TERB2: variants seen among roughly 807,000 people sequenced by gnomAD.
TERB2 encodes telomere repeat binding bouquet formation protein 2.
TERB2 carries 26 observed loss-of-function variants against 29.8 expected under a neutral mutation model. The observed-to-expected ratio is 0.87, with a 90% CI of 0.64 to 1.21. The LOEUF (loss-of-function observed/expected upper bound fraction) is 1.21, where lower values mean the gene tolerates loss of function less well. Among genes scored for constraint, TERB2 ranks in the 50% most tolerant of loss-of-function variants. The pLI is 0.00. For synonymous variants in TERB2, 80 were observed against 90.8 expected (o/e 0.88, Z 0.68); for missense variants, 240 against 268.6 (o/e 0.89, Z 0.74).
chr15:44,964,000 G>C (rs968521090), intron 4 of TERB2, among the ~76,000 whole-genome samples: 2 of 151,558 alleles, frequency 1.3e-5, no homozygotes, highest in Non-Finnish European at 2.9e-5. Flanking sequence ...TAGTAGAGAC[G>C]GGGTTTCACC....
chr15:44,962,424 C>A (rs1365999676), intron 4 of TERB2, among the ~76,000 whole-genome samples: 1 of 149,410 alleles, frequency 6.7e-6, no homozygotes. Context: ...CTCCTGACCT[C>A]GTGATCCGCC....
intron 4 of TERB2, 77 bp downstream of exon 4, chr15:44,961,661 T>C: frequency 9.8e-7 from 1 of 1,023,036 alleles, no homozygotes; most frequent in South Asian, 1.5e-5. Flanking sequence ...TTTAAAATGT[T>C]TATTTGTGAC....
At chr15:44,972,326 G>A (rs1891984242) in intron 5 of TERB2, among the ~76,000 whole-genome samples, 1 of 152,058 alleles carries the variant, frequency 6.6e-6, no homozygotes, top group East Asian at 1.9e-4. Flanking sequence ...CTATTACTCA[G>A]TGTACTTCTA....
At chr15:44,959,190 T>A (rs1891765132) in intron 3 of TERB2, among the ~76,000 whole-genome samples, 1 of 152,188 alleles carries the variant, frequency 6.6e-6, no homozygotes, top group African/African-American at 2.4e-5. Flanking sequence ...CCCATGTATC[T>A]GTATTTTTTA....
chr15:44,956,797 G>A lies in TERB2; in HGVS notation c.64+15G>A. ...GCAATTCTGGGGTAGGAAGCTGAGT[G>A]GAAGCAGCGGGTTAGGTGGTGAGGG... On this transcript the variant is annotated intron_variant, in intron 1 of 6. Transcript: ENST00000340827. 6.2e-7 allele frequency: 1 copy of A among 1,613,766 alleles called. No homozygotes were observed. The highest frequency in any genetic ancestry group is 1.3e-5 in the African/African-American group (1 of 75,018).
chr15:44,961,375 A>G (rs1891801247), intron 3 of TERB2, 148 bp from the exon 4 acceptor site: 2 of 566,888 alleles, frequency 3.5e-6, no homozygotes, highest in Non-Finnish European at 6.3e-6. Context: ...ATCTGATTCA[A>G]TAGGAATCTG....
intron 3 of TERB2, among the ~76,000 whole-genome samples, chr15:44,959,242 C>T (rs777671663): frequency 1.3e-5 from 2 of 152,016 alleles, no homozygotes; most frequent in African/African-American, 2.4e-5. Flanking sequence ...TTTTCAGCAG[C>T]CCTAGGAAAT....
At chr15:44,972,576 C>T (rs935057403) in intron 5 of TERB2, among the ~76,000 whole-genome samples, 12 of 148,374 alleles carry the variant, frequency 8.1e-5, no homozygotes, top group African/African-American at 2.2e-4. Flanking sequence ...GTTCCAGTGG[C>T]GCCATCTCAG....
At chr15:44,974,100 T>G in intron 6 of TERB2, 145 bp downstream of exon 6, 4 of 888,974 alleles carry the variant, frequency 4.5e-6, no homozygotes, top group Non-Finnish European at 5.8e-6. Flanking sequence ...CACTTAAATA[T>G]TGAATAAATT....
At chr15:44,969,157 CA>C in intron 5 of TERB2, among the ~76,000 whole-genome samples, 1 of 152,166 alleles carries the variant, frequency 6.6e-6, no homozygotes, top group South Asian at 2.1e-4. Context: ...TACAGTGGCA[CA>C]ATCTTGGCTC....
At chr15:44,965,775 A>C (rs1428017213) in intron 4 of TERB2, among the ~76,000 whole-genome samples, 4 of 151,438 alleles carry the variant, frequency 2.6e-5, no homozygotes, top group Admixed American at 1.3e-4. Flanking sequence ...GATTTTAAGG[A>C]AGTTTAAATC....
chr15:44,966,292 G>T (rs1412009209), intron 5 of TERB2, 49 bp downstream of exon 5: 9 of 1,192,140 alleles, frequency 7.5e-6, no homozygotes, highest in Non-Finnish European at 1.0e-5. Context: ...GTAGAAATCT[G>T]TGAGCACTGA....
chr15:44,964,882 C>G (rs1891858325), intron 4 of TERB2, among the ~76,000 whole-genome samples: 1 of 151,912 alleles, frequency 6.6e-6, no homozygotes, highest in Admixed American at 6.6e-5. Flanking sequence ...TTAATGGTGG[C>G]TGGGCGCAGT....
chr15:44,958,508 A>G lies in TERB2; in HGVS notation c.282A>G (p.Gln94=), dbSNP rs1242951621. Residue 94 remains glutamine, a synonymous_variant, in exon 3 of 7, where the codon CAA becomes CAG. Transcript: ENST00000340827. ...GHFILPPACL[Q]KEIRRKIGSF... is the part of the protein sequence containing the mutation. ...TCATTCTTCCTCCTGCGTGCCTGCA[A>G]AAAGGTTAGCAAAGATCATTCAGCC... 2 of 1,609,418 alleles carry G rather than the reference A, an allele frequency of 1.2e-6. No homozygotes were observed. Among genetic ancestry groups the G allele is most frequent in the Non-Finnish European group, 1.7e-6 (2 of 1,177,348 alleles).
At chr15:44,976,112 T>G (rs1225047854) in intron 6 of TERB2, 2 of 152,228 alleles carry the variant, frequency 1.3e-5, no homozygotes, top group African/African-American at 2.4e-5. Flanking sequence ...CCCAGGCTGG[T>G]CTCGAACTCC....
Position 44,978,684 on chromosome 15 carries a change from T to G in TERB2, c.*56T>G. The G allele has an allele frequency of 2.1e-6, 3 of 1,421,280 alleles. No homozygotes were observed. In the South Asian group the frequency reaches 5.5e-5, roughly 26 times the overall value. The allele number at this position is 1,421,280 out of a possible 1,614,324, so 88.0% of individuals were successfully genotyped here. A position where few individuals can be genotyped will look rare whatever the true frequency, so the allele number is the denominator to read the frequency against. On this transcript the variant is annotated 3_prime_UTR_variant, in exon 7 of 7. Coordinates refer to ENST00000340827, the MANE Select transcript of TERB2 (RefSeq NM_152448.3). ...TTTTCTATAAAATATTATACAGATG[T>G]GCATATCATAAAATGCTCCCTTTTG...
chr15:44,973,331 G>C (rs572035482), intron 5 of TERB2, among the ~76,000 whole-genome samples: 1 of 152,222 alleles, frequency 6.6e-6, no homozygotes, highest in Non-Finnish European at 1.5e-5. Context: ...ATATGTATAT[G>C]TGTATTTTGT....
rs1387229986 is a variant in TERB2 at position 44,979,007 on chromosome 15, T to G, written c.*379T>G. On this transcript the variant is annotated 3_prime_UTR_variant, in exon 7 of 7. Coordinates refer to ENST00000340827, the MANE Select transcript of TERB2 (RefSeq NM_152448.3). Reference sequence around the variant, plus strand: ...TCTCTTTCTGTCTTTCAAATGTTCTTTTGGCTTTAACATTCTATTAATTAT... The same window carrying G: ...TCTCTTTCTGTCTTTCAAATGTTCTGTTGGCTTTAACATTCTATTAATTAT... 2 of 153,586 alleles carry G rather than the reference T, an allele frequency of 1.3e-5. No homozygotes were observed. The highest frequency in any genetic ancestry group is 4.8e-5 in the African/African-American group (2 of 41,510). The allele number at this position is 153,586 out of a possible 1,614,324, so 9.5% of individuals were successfully genotyped here.
chr15:44,978,843 A>T lies in TERB2; in HGVS notation c.*215A>T, dbSNP rs1198763981. 2 of 467,712 alleles carry T rather than the reference A, an allele frequency of 4.3e-6. No individual in the cohort carries two copies. The highest frequency in any genetic ancestry group is 6.5e-6 in the Non-Finnish European group (2 of 308,620). 29.0% of individuals were successfully genotyped at this position (467,712 alleles called of 1,614,324 possible). On this transcript the variant is annotated 3_prime_UTR_variant, in exon 7 of 7. Coordinates refer to ENST00000340827, the MANE Select transcript of TERB2 (RefSeq NM_152448.3). ...TTAACAACATGTTCAAATATTCTCAATGCACAGTTGTTAATGAGTAATTGC... is the reference window on the plus strand; with the variant it reads ...TTAACAACATGTTCAAATATTCTCATTGCACAGTTGTTAATGAGTAATTGC...
Sources: allele counts gnomAD v4.1 joint callset (sites outside exome capture counted in the v4.1 genomes callset), GRCh38; gene constraint gnomAD v4.1.1; transcripts MANE v1.5; gene names NCBI Gene and HGNC (gene_info 2026-07-23, HGNC 2026-07-21).